Variants in KLHL8 observed in about 807,000 individuals in gnomAD.
KLHL8 encodes the protein kelch like family member 8.
In KLHL8, 38 loss-of-function variants were observed where a neutral mutation model predicts 63.5. The ratio of observed to expected loss-of-function variants is 0.60; its 90% CI spans 0.46 to 0.78. KLHL8 has a LOEUF of 0.78. Ranked by LOEUF, KLHL8 falls within the 30% of genes least tolerant of loss-of-function variation. KLHL8 has a pLI of 0.00. For synonymous variants in KLHL8, 224 were observed against 254.3 expected (o/e 0.88, Z 1.13); for missense variants, 566 against 752.4 (o/e 0.75, Z 2.90).
chr4:87,232,245 G>T (rs1425110664), intron 1 of KLHL8, among the ~76,000 whole-genome samples: 1 of 151,998 alleles, frequency 6.6e-6, no homozygotes, highest in African/African-American at 2.4e-5. Flanking sequence ...TTTGCATTTA[G>T]TTTGCATGTG....
intron 1 of KLHL8, among the ~76,000 whole-genome samples, chr4:87,210,612 C>T (rs745934831): frequency 1.2e-4 from 18 of 152,268 alleles, no homozygotes; most frequent in South Asian, 2.1e-4. Context: ...TGATGGAAGA[C>T]GTGTGTGCAT....
intron 6 of KLHL8, among the ~76,000 whole-genome samples, chr4:87,173,657 G>A (rs1262470791): frequency 6.6e-6 from 1 of 152,176 alleles, no homozygotes; most frequent in Non-Finnish European, 1.5e-5. Flanking sequence ...TTTTCACACA[G>A]ATTGTAAATG....
chr4:87,237,250 A>C (rs1164339596), intron 1 of KLHL8, among the ~76,000 whole-genome samples: 1 of 152,234 alleles, frequency 6.6e-6, no homozygotes, highest in Non-Finnish European at 1.5e-5. Context: ...CACGGAAAGA[A>C]GAATGTATTG....
At chr4:87,212,458 T>C (rs979625525) in intron 1 of KLHL8, among the ~76,000 whole-genome samples, 11 of 152,216 alleles carry the variant, frequency 7.2e-5, no homozygotes, top group African/African-American at 2.4e-4. Context: ...CTTGCACTTG[T>C]AGTCCCAGCT....
chr4:87,201,785 A>G (rs1192485606), intron 1 of KLHL8, among the ~76,000 whole-genome samples: 1 of 152,228 alleles, frequency 6.6e-6, no homozygotes, highest in Admixed American at 6.5e-5. Flanking sequence ...CCATGGAGCA[A>G]AGAGGAAGTC....
chr4:87,213,182 G>A (rs1360466463), intron 1 of KLHL8, among the ~76,000 whole-genome samples: 1 of 152,050 alleles, frequency 6.6e-6, no homozygotes, highest in Non-Finnish European at 1.5e-5. Flanking sequence ...CAATCATAGT[G>A]GTCTAAAAGT....
At position 87,178,566 on chromosome 4, in the gene KLHL8, A is replaced by G; in HGVS notation, c.1007T>C (p.Ile336Thr). Residue 336 changes from isoleucine to threonine, a missense_variant, in exon 5 of 10, where the codon ATT (isoleucine) becomes ACT (threonine). Coordinates refer to ENST00000273963, the MANE Select transcript of KLHL8 (RefSeq NM_020803.5). ...RGGSGDPFRS[I>T]ECYSINKNSW... is the part of the protein sequence containing the mutation. ...GTTTTTGTTGATAGAATAGCATTCA[A>G]TACTGCGAAAGGGGTCACCAGATCC... The G allele has an allele frequency of 6.2e-7, 1 of 1,611,380 alleles. No individual in the cohort carries two copies. The highest frequency in any genetic ancestry group is 1.1e-5 in the South Asian group (1 of 90,396).
intron 4 of KLHL8, among the ~76,000 whole-genome samples, chr4:87,180,402 C>T (rs559456347): frequency 6.6e-6 from 1 of 152,314 alleles, no homozygotes; most frequent in East Asian, 1.9e-4. Context: ...TTATTCACAA[C>T]CAAGGCTAAG....
At chr4:87,206,743 T>G (rs1732146153) in intron 1 of KLHL8, among the ~76,000 whole-genome samples, 1 of 152,236 alleles carries the variant, frequency 6.6e-6, no homozygotes, top group Admixed American at 6.5e-5. Context: ...AGGCCCAACT[T>G]AAATAATTCC....
intron 4 of KLHL8, 44 bp downstream of exon 4, chr4:87,183,159 C>T: frequency 6.9e-7 from 1 of 1,439,492 alleles, no homozygotes; most frequent in Non-Finnish European, 9.4e-7. Flanking sequence ...CCCTCAAATA[C>T]AACAAAGATC....
chr4:87,191,901 T>A (rs36123985), intron 2 of KLHL8, among the ~76,000 whole-genome samples: 11,701 of 152,176 alleles, frequency 0.077, 630 homozygotes, highest in Non-Finnish European at 0.12. Flanking sequence ...CTTAGGATAA[T>A]GGTTTCCAGC....
At chr4:87,222,088 G>A (rs1034543098), upstream of KLHL8, among the ~76,000 whole-genome samples, 3 of 152,056 alleles carry the variant, frequency 2.0e-5, no homozygotes, top group African/African-American at 7.2e-5. Flanking sequence ...AAATGATGTC[G>A]TTCTCTGAAT....
chr4:87,178,691 T>C, intron 4 of KLHL8, 71 bp from the exon 5 acceptor site: 2 of 1,432,868 alleles, frequency 1.4e-6, no homozygotes, highest in South Asian at 3.0e-5. Context: ...AGCCAAAACT[T>C]TGGATAAAAG....
chr4:87,172,604 C>T (rs1244083878), intron 6 of KLHL8, among the ~76,000 whole-genome samples: 1 of 152,180 alleles, frequency 6.6e-6, no homozygotes, highest in African/African-American at 2.4e-5. Flanking sequence ...TTGCTTAAGG[C>T]AGAAACCGAA....
intron 1 of KLHL8, among the ~76,000 whole-genome samples, chr4:87,206,364 T>C (rs1732132458): frequency 6.6e-6 from 1 of 152,238 alleles, no homozygotes; most frequent in African/African-American, 2.4e-5. Context: ...TAGCTCAGCT[T>C]ATCCTGGCAT....
At chr4:87,164,959 T>C (rs868735589) in intron 8 of KLHL8, among the ~76,000 whole-genome samples, 89 of 151,948 alleles carry the variant, frequency 5.9e-4, no homozygotes, top group South Asian at 4.6e-3. Context: ...CCATCCTGGC[T>C]AACACGGTGA....
intron 1 of KLHL8, among the ~76,000 whole-genome samples, chr4:87,203,818 C>T (rs1001400740): frequency 3.3e-5 from 5 of 151,592 alleles, no homozygotes; most frequent in African/African-American, 7.3e-5. Flanking sequence ...AAATTAAAAC[C>T]TTTTGCTATG....
chr4:87,213,359 C>G lies in KLHL8; in HGVS notation c.-152+7059G>C, dbSNP rs151257363. The stretch of plus-strand genomic sequence containing the variant: ...AATGCCTACTAAAAAATTAATTTAT[C>G]AATAATTTGTTGCCAAGTATCAAAG... On this transcript the variant is annotated intron_variant, in intron 1 of 9. Transcript: ENST00000273963. Among the ~76,000 whole-genome samples, 121 of 152,262 alleles carry G rather than the reference C, an allele frequency of 7.9e-4. 3 individuals carry two copies. The East Asian group carries it at 0.02, about 25-fold the overall frequency.
chr4:87,167,047 C>G (rs529082176), intron 8 of KLHL8: 1 of 253,990 alleles, frequency 3.9e-6, no homozygotes, highest in African/African-American at 2.3e-5. Flanking sequence ...GGCTGTGGCC[C>G]TACTCAAGAC....
Sources: gnomAD v4.1 joint callset for allele counts (sites outside exome capture counted in the v4.1 genomes callset) on GRCh38, gnomAD v4.1.1 for gene constraint, MANE v1.5 for transcripts, NCBI Gene and HGNC (gene_info 2026-07-23, HGNC 2026-07-21) for gene names.